FBXO4: variants seen among roughly 807,000 people sequenced by gnomAD.
FBXO4 encodes F-box only protein 4.
FBXO4 carries 36 observed loss-of-function variants against 43.7 expected under a neutral mutation model. That is an observed-to-expected ratio of 0.82 (90% CI 0.63 to 1.09). FBXO4 has a LOEUF of 1.09. FBXO4 is among the 50% of genes least tolerant of loss of function. FBXO4 has a pLI of 0.00. For missense variants in FBXO4, 435 were observed against 474.1 expected, an observed-to-expected ratio of 0.92 and a Z score of 0.77; for synonymous variants, 180 against 165.6, an observed-to-expected ratio of 1.09 and a Z score of -0.67.
At chr5:41,983,962 T>A in the FBXO4 span, among the ~76,000 whole-genome samples, 1 of 152,158 alleles carries the variant, frequency 6.6e-6, no homozygotes, top group African/African-American at 2.4e-5. Context: ...ATTTCCCTTC[T>A]GTTTATCATA....
the FBXO4 span, among the ~76,000 whole-genome samples, chr5:42,031,034 G>A: frequency 6.6e-6 from 1 of 152,196 alleles, no homozygotes; most frequent in African/African-American, 2.4e-5. Context: ...TTCAACCATT[G>A]TGGAAGTCAG....
the FBXO4 span, among the ~76,000 whole-genome samples, chr5:41,966,326 A>T: frequency 7.7e-6 from 1 of 129,216 alleles, no homozygotes; most frequent in Non-Finnish European, 1.6e-5. Flanking sequence ...ACTTATAATT[A>T]AAAAAAAGAT....
At chr5:41,935,825 C>T (rs1751835087) in intron 5 of FBXO4, among the ~76,000 whole-genome samples, 1 of 152,138 alleles carries the variant, frequency 6.6e-6, no homozygotes, top group Admixed American at 6.5e-5. Context: ...CCATAACCCC[C>T]ATGGCACAGT....
the FBXO4 span, among the ~76,000 whole-genome samples, chr5:42,009,789 T>C: frequency 6.6e-6 from 1 of 152,224 alleles, no homozygotes; most frequent in East Asian, 1.9e-4. Context: ...AATTTATCAT[T>C]TCAACCATTT....
At chr5:42,039,224 T>C in the FBXO4 span, among the ~76,000 whole-genome samples, 1 of 152,152 alleles carries the variant, frequency 6.6e-6, no homozygotes, top group African/African-American at 2.4e-5. Flanking sequence ...TTTTGTGACA[T>C]CTGATAGTGT....
the FBXO4 span, among the ~76,000 whole-genome samples, chr5:41,966,031 G>A: frequency 6.6e-6 from 1 of 152,120 alleles, no homozygotes; most frequent in South Asian, 2.1e-4. Flanking sequence ...ATCACTCTCA[G>A]CAAACTATCA....
At chr5:42,007,688 A>T in the FBXO4 span, among the ~76,000 whole-genome samples, 1 of 152,122 alleles carries the variant, frequency 6.6e-6, no homozygotes, top group Non-Finnish European at 1.5e-5. Flanking sequence ...TTCTTAGGTG[A>T]TCCAACTCAT....
the FBXO4 span, chr5:41,952,085 T>A: frequency 2.1e-5 from 4 of 192,934 alleles, no homozygotes; most frequent in Admixed American, 2.1e-4. Context: ...AGAGGTACTG[T>A]TCCATTTGGA....
At chr5:41,988,890 T>C in the FBXO4 span, among the ~76,000 whole-genome samples, 1 of 152,180 alleles carries the variant, frequency 6.6e-6, no homozygotes, top group Admixed American at 6.5e-5. Context: ...AAAAAAGATA[T>C]AGAAGATCTG....
the FBXO4 span, among the ~76,000 whole-genome samples, chr5:41,979,944 A>G: frequency 6.6e-6 from 1 of 152,218 alleles, no homozygotes. Flanking sequence ...TGATAAGCCT[A>G]CATGAATCAA....
At chr5:42,032,854 A>G in the FBXO4 span, among the ~76,000 whole-genome samples, 1 of 152,148 alleles carries the variant, frequency 6.6e-6, no homozygotes, top group Admixed American at 6.5e-5. Flanking sequence ...TCACCTGAAG[A>G]CAGCAGGTCT....
the FBXO4 span, among the ~76,000 whole-genome samples, chr5:42,009,433 C>A: frequency 6.7e-6 from 1 of 149,284 alleles, no homozygotes; most frequent in Non-Finnish European, 1.5e-5. Flanking sequence ...GGACTTCAAT[C>A]TTCTAAATAT....
intron 3 of FBXO4, among the ~76,000 whole-genome samples, chr5:41,930,932 A>G (rs887206519): frequency 2.6e-5 from 4 of 152,246 alleles, no homozygotes; most frequent in African/African-American, 9.6e-5. Context: ...CTGGGATTAC[A>G]GGCGTGAGCC....
the FBXO4 span, among the ~76,000 whole-genome samples, chr5:41,990,529 C>G: frequency 6.6e-6 from 1 of 152,132 alleles, no homozygotes; most frequent in African/African-American, 2.4e-5. Context: ...AATGTTTGAG[C>G]TAAGATCTAA....
At chr5:41,966,074 G>T in the FBXO4 span, among the ~76,000 whole-genome samples, 13 of 151,964 alleles carry the variant, frequency 8.6e-5, no homozygotes, top group African/African-American at 3.1e-4. Flanking sequence ...GCATATTCTC[G>T]CTCATAGGTG....
chr5:42,018,452 A>G, the FBXO4 span, among the ~76,000 whole-genome samples: 1 of 152,100 alleles, frequency 6.6e-6, no homozygotes, highest in South Asian at 2.1e-4. Flanking sequence ...AAATAAAAGT[A>G]AAACATAAGT....
intron 1 of FBXO4, among the ~76,000 whole-genome samples, chr5:41,925,899 CG>C (rs1477559086): frequency 1.3e-5 from 2 of 152,160 alleles, no homozygotes; most frequent in African/African-American, 4.8e-5. Context: ...TCTTTGATTC[CG>C]GATCACTGTA....
At chr5:42,008,585 G>A in the FBXO4 span, among the ~76,000 whole-genome samples, 1 of 152,116 alleles carries the variant, frequency 6.6e-6, no homozygotes, top group African/African-American at 2.4e-5. Context: ...AGAGTCATAG[G>A]AATCACACCC....
the FBXO4 span, among the ~76,000 whole-genome samples, chr5:41,959,016 C>G: frequency 2.0e-5 from 3 of 152,186 alleles, no homozygotes; most frequent in Non-Finnish European, 4.4e-5. Flanking sequence ...TTCCAACCAA[C>G]AACATACAAA....
Sources: allele counts gnomAD v4.1 joint callset (sites outside exome capture counted in the v4.1 genomes callset), GRCh38; gene constraint gnomAD v4.1.1; transcripts MANE v1.5; gene names NCBI Gene and HGNC (gene_info 2026-07-23, HGNC 2026-07-21).